The following ANXA8L1 variants were observed in gnomAD, a reference collection of about 807,000 sequenced individuals.
ANXA8L1 encodes the protein annexin A8-like protein 1.
In ANXA8L1, 10 loss-of-function variants were observed where a neutral mutation model predicts 22.5. The observed-to-expected ratio is 0.44, with a 90% confidence interval of 0.27 to 0.75. ANXA8L1 has a LOEUF of 0.75. Among genes scored for constraint, ANXA8L1 ranks in the 30% least tolerant of loss-of-function variants. ANXA8L1 has a pLI of 0.15. For missense variants in ANXA8L1, 88 were observed against 219.6 expected (o/e 0.40, Z 3.79); for synonymous variants, 36 against 86.0 (o/e 0.42, Z 3.22).
Position 46,375,817 on chromosome 10 carries a change from A to C in ANXA8L1, c.-35A>C. 1.2e-6 allele frequency: 2 copies of C among 1,609,022 alleles called. No individual in the cohort carries two copies. Among genetic ancestry groups the C allele is most frequent in the East Asian group, 2.2e-5 (1 of 44,844 alleles). On this transcript the variant is annotated 5_prime_UTR_variant, in exon 1 of 12. Transcript: ENST00000619162. ...AGCAGAGGCCAACCTGTGTCTCTTC[A>C]TCTCCGTGAGAAAGGTGCCCCCGAA...
intron 6 of ANXA8L1, 50 bp downstream of exon 6, chr10:46,384,335 G>A (rs1292747895): frequency 1.1e-5 from 4 of 359,684 alleles, no homozygotes; most frequent in East Asian, 7.9e-5. Flanking sequence ...AGTCCCAACA[G>A]CTCCACCCCA....
At chr10:46,383,139 A>G (rs1354974463) in intron 4 of ANXA8L1, among the ~76,000 whole-genome samples, 2 of 87,618 alleles carry the variant, frequency 2.3e-5, no homozygotes, top group Non-Finnish European at 4.5e-5. Context: ...CACGCTCCCT[A>G]ATCTATCTTT....
At chr10:46,381,648 T>A in intron 3 of ANXA8L1, 1 of 63,898 alleles carries the variant, frequency 1.6e-5, no homozygotes, top group Non-Finnish European at 2.8e-5. Context: ...CTTTGCTCTG[T>A]TCTGGGGCGT....
At chr10:46,390,556 C>A in intron 11 of ANXA8L1, among the ~76,000 whole-genome samples, 1 of 145,988 alleles carries the variant, frequency 6.8e-6, no homozygotes, top group Non-Finnish European at 1.5e-5. Flanking sequence ...AATGGCTGGG[C>A]ACCCTGGCTC....
At chr10:46,385,620 G>A in intron 8 of ANXA8L1, 92 bp from the exon 9 acceptor site, 1 of 393,108 alleles carries the variant, frequency 2.5e-6, no homozygotes, top group Non-Finnish European at 4.7e-6. Flanking sequence ...TGGGAGGTCA[G>A]GGCGGCAAAT....
At chr10:46,385,322 T>C in intron 7 of ANXA8L1, 58 bp from the exon 8 acceptor site, 1 of 631,752 alleles carries the variant, frequency 1.6e-6, no homozygotes, top group Non-Finnish European at 2.5e-6. Flanking sequence ...ACTCTGGGGC[T>C]CAGTCCCTCA....
intron 11 of ANXA8L1, among the ~76,000 whole-genome samples, chr10:46,389,642 T>C (rs2133018017): frequency 0.58 from 87,362 of 149,628 alleles, 25,249 homozygotes; most frequent in African/African-American, 0.66. Flanking sequence ...TATAAACACT[T>C]CAAGTATAAC....
Position 46,389,932 on chromosome 10 carries a change from A to G in ANXA8L1, c.925-939A>G, listed in dbSNP as rs138194069. Among the ~76,000 whole-genome samples the G allele has an allele frequency of 1.5e-3, 229 of 151,684 alleles. 5 individuals are homozygous for G. In the East Asian group the frequency reaches 0.041, roughly 27 times the overall value. ...ATTGTAGTTTGAAACCCGTAATGAG[A>G]TTTCAGGCTCAAAGCAGGCAAATTT... On this transcript the variant is annotated intron_variant, in intron 11 of 11. Transcript: ENST00000619162.
At chr10:46,389,605 T>C (rs1399233312) in intron 11 of ANXA8L1, among the ~76,000 whole-genome samples, 1 of 151,274 alleles carries the variant, frequency 6.6e-6, no homozygotes, top group Non-Finnish European at 1.5e-5. Flanking sequence ...AGTTAAAAAC[T>C]CCTGCATTGA....
At chr10:46,384,693 C>T (rs1336114853) in intron 6 of ANXA8L1, 81 bp from the exon 7 acceptor site, 2 of 1,610,946 alleles carry the variant, frequency 1.2e-6, no homozygotes, top group Non-Finnish European at 1.7e-6. Context: ...CATGCCTACC[C>T]TCCAAGCCCA....
intron 7 of ANXA8L1, 60 bp downstream of exon 7, chr10:46,384,893 T>G (rs1840018074): frequency 6.2e-7 from 1 of 1,608,670 alleles, no homozygotes; most frequent in Non-Finnish European, 8.5e-7. Flanking sequence ...CTCCGGCTCC[T>G]CTGCCCACGG....
chr10:46,382,486 G>A, intron 3 of ANXA8L1, 93 bp from the exon 4 acceptor site: 1 of 891,290 alleles, frequency 1.1e-6, no homozygotes, highest in Non-Finnish European at 1.6e-6. Context: ...GCAGAATCCA[G>A]CCCAAGCCCC....
At chr10:46,389,788 A>G (rs185258849) in intron 11 of ANXA8L1, among the ~76,000 whole-genome samples, 15,019 of 149,178 alleles carry the variant, frequency 0.1, 970 homozygotes, top group Middle Eastern at 0.17. Context: ...AGGCCAACGC[A>G]GGAGGATCGC....
Position 46,390,936 on chromosome 10 carries a change from A to G in ANXA8L1, c.*6A>G, listed in dbSNP as rs1588898401. 5 of 1,403,430 alleles carry G rather than the reference A, an allele frequency of 3.6e-6. No individual in the cohort carries two copies. Among genetic ancestry groups the G allele is most frequent in the Middle Eastern group, 2.5e-4 (1 of 3,960 alleles). 86.9% of individuals were successfully genotyped at this position (1,403,430 alleles called of 1,614,324 possible). ...TGGTGGGCAGCGACCCCTGAGGCAC[A>G]GAAGAACAAGAGCAAAGACCATGAA... On this transcript the variant is annotated 3_prime_UTR_variant, in exon 12 of 12. Transcript: ENST00000619162.
intron 1 of ANXA8L1, among the ~76,000 whole-genome samples, chr10:46,378,636 G>A (rs1187462183): frequency 5.2e-5 from 4 of 76,570 alleles, no homozygotes; most frequent in African/African-American, 2.0e-4. Flanking sequence ...TGTGGACACC[G>A]ATGAGCAATA....
chr10:46,377,531 T>C (rs1436468093), intron 1 of ANXA8L1, among the ~76,000 whole-genome samples: 24 of 109,456 alleles, frequency 2.2e-4, no homozygotes, highest in Middle Eastern at 3.6e-3. Flanking sequence ...GCCAAAACCA[T>C]ACCCTGGTCG....
Position 46,384,853 on chromosome 10 carries a change from G to A in ANXA8L1, c.552+20G>A. The A allele has an allele frequency of 6.2e-7, 1 of 1,612,430 alleles. No individual in the cohort carries two copies. ...GCACAGGTGAGGCTGCGCCCAGCCG[G>A]CCATGTGGCCCCACCCCCTGCCATC... On this transcript the variant is annotated intron_variant, in intron 7 of 11. Coordinates refer to ENST00000619162, the MANE Select transcript of ANXA8L1 (RefSeq NM_001098845.3).
intron 4 of ANXA8L1, among the ~76,000 whole-genome samples, chr10:46,383,200 C>T (rs1839997115): frequency 2.1e-5 from 3 of 139,728 alleles, no homozygotes; most frequent in South Asian, 2.4e-4. Context: ...TGCTTAGGCT[C>T]CAGGACATGG....
At chr10:46,390,442 C>A (rs1376579564) in intron 11 of ANXA8L1, among the ~76,000 whole-genome samples, 3 of 112,620 alleles carry the variant, frequency 2.7e-5, no homozygotes, top group Non-Finnish European at 5.6e-5. Flanking sequence ...GCTCCCTCCA[C>A]CCCCGGCCCT....
Sources: gnomAD v4.1 joint callset for allele counts (sites outside exome capture counted in the v4.1 genomes callset) on GRCh38, gnomAD v4.1.1 for gene constraint, MANE v1.5 for transcripts, NCBI Gene and HGNC (gene_info 2026-07-23, HGNC 2026-07-21) for gene names.